SMIM36: variants seen among roughly 807,000 people sequenced by gnomAD.
The protein encoded by SMIM36 is small integral membrane protein 36.
intron 1 of SMIM36, among the ~76,000 whole-genome samples, chr17:55,493,591 C>T (rs979263480): frequency 9.2e-5 from 14 of 152,012 alleles, no homozygotes; most frequent in African/African-American, 3.1e-4. Context: ...AGGAAGATTG[C>T]TTGAGTCCAG....
At chr17:55,471,677 G>A (rs1237222886) in intron 3 of SMIM36, among the ~76,000 whole-genome samples, 4 of 152,024 alleles carry the variant, frequency 2.6e-5, no homozygotes, top group African/African-American at 4.8e-5. Flanking sequence ...TCACTCTTTC[G>A]AAAAGGCCCT....
chr17:55,466,175 G>A (rs905715481), intron 4 of SMIM36, among the ~76,000 whole-genome samples: 1 of 150,764 alleles, frequency 6.6e-6, no homozygotes, highest in African/African-American at 2.5e-5. Context: ...TACTAGGGAG[G>A]CTGAGGTAGG....
At chr17:55,475,841 C>T (rs1264719957) in intron 3 of SMIM36, among the ~76,000 whole-genome samples, 4 of 152,134 alleles carry the variant, frequency 2.6e-5, no homozygotes, top group African/African-American at 7.2e-5. Context: ...CATCACTAAT[C>T]ATTCTATATG....
chr17:55,510,215 TGTATGCATTC>T (rs1910156932), intron 1 of SMIM36, among the ~76,000 whole-genome samples: 2 of 127,616 alleles, frequency 1.6e-5, no homozygotes, highest in South Asian at 5.2e-4. Context: ...TTGTTTTAGT[TGTATGCATTC>T]CTTATTCTGT....
chr17:55,491,109 T>C (rs780236933), intron 1 of SMIM36, among the ~76,000 whole-genome samples: 4 of 151,762 alleles, frequency 2.6e-5, no homozygotes, highest in Admixed American at 6.6e-5. Context: ...TAGCCTGATG[T>C]GGTGGTGCTG....
intron 4 of SMIM36, among the ~76,000 whole-genome samples, chr17:55,463,605 C>T (rs1308136083): frequency 6.6e-6 from 1 of 152,042 alleles, no homozygotes; most frequent in East Asian, 1.9e-4. Flanking sequence ...AATGTGGTCT[C>T]TTATTATACT....
intron 3 of SMIM36, among the ~76,000 whole-genome samples, chr17:55,470,691 C>T (rs1370551848): frequency 1.3e-5 from 2 of 152,104 alleles, no homozygotes; most frequent in Non-Finnish European, 2.9e-5. Context: ...AGTTCAAAGC[C>T]TATTTTGCAT....
intron 1 of SMIM36, among the ~76,000 whole-genome samples, chr17:55,494,872 C>T (rs1909781736): frequency 6.6e-6 from 1 of 152,150 alleles, no homozygotes; most frequent in Non-Finnish European, 1.5e-5. Context: ...CGATAAAAGG[C>T]ATTTGAAAGC....
At chr17:55,472,445 T>G (rs1909356198) in intron 3 of SMIM36, among the ~76,000 whole-genome samples, 2 of 152,248 alleles carry the variant, frequency 1.3e-5, no homozygotes, top group Admixed American at 1.3e-4. Flanking sequence ...AGAGGCTTCC[T>G]TATCACACAA....
chr17:55,450,939 T>A (rs1908902381), intron 4 of SMIM36, among the ~76,000 whole-genome samples: 1 of 152,198 alleles, frequency 6.6e-6, no homozygotes, highest in Admixed American at 6.5e-5. Context: ...GAGGCTGAAG[T>A]GCAGTGGCAC....
intron 4 of SMIM36, among the ~76,000 whole-genome samples, chr17:55,466,697 G>A (rs1909245123): frequency 6.6e-6 from 1 of 152,156 alleles, no homozygotes; most frequent in South Asian, 2.1e-4. Context: ...GTGGGCAGGA[G>A]GAGGAGCTTT....
At chr17:55,455,726 C>A (rs151084420) in intron 4 of SMIM36, among the ~76,000 whole-genome samples, 19 of 152,094 alleles carry the variant, frequency 1.2e-4, no homozygotes, top group Non-Finnish European at 2.5e-4. Flanking sequence ...TCGGGAGGTT[C>A]GGGCTGCAGT....
intron 1 of SMIM36, among the ~76,000 whole-genome samples, chr17:55,510,168 A>G (rs1481629830): frequency 6.6e-6 from 1 of 152,096 alleles, no homozygotes; most frequent in Non-Finnish European, 1.5e-5. Flanking sequence ...GCTAGCAAGT[A>G]GAAGAGGCAG....
intron 1 of SMIM36, among the ~76,000 whole-genome samples, chr17:55,490,349 G>C (rs1348878914): frequency 6.6e-6 from 1 of 152,100 alleles, no homozygotes; most frequent in Non-Finnish European, 1.5e-5. Context: ...TTACATTAGT[G>C]GTTTGGACTG....
At chr17:55,522,274 C>A in the SMIM36 span, among the ~76,000 whole-genome samples, 2 of 152,282 alleles carry the variant, frequency 1.3e-5, no homozygotes, top group Non-Finnish European at 1.5e-5. Context: ...TAGCTGGTTC[C>A]CTGCTTCCTT....
the SMIM36 span, among the ~76,000 whole-genome samples, chr17:55,523,574 G>C: frequency 6.6e-6 from 1 of 151,342 alleles, no homozygotes; most frequent in Non-Finnish European, 1.5e-5. Context: ...CAAGGAAGCA[G>C]CTATAGACAA....
At chr17:55,476,134 A>T (rs1909422207) in intron 3 of SMIM36, among the ~76,000 whole-genome samples, 1 of 152,196 alleles carries the variant, frequency 6.6e-6, no homozygotes. Flanking sequence ...CTGCATGTAT[A>T]CATCCAGATG....
intron 1 of SMIM36, among the ~76,000 whole-genome samples, chr17:55,500,720 T>A (rs1306807860): frequency 1.0e-5 from 1 of 96,816 alleles, no homozygotes; most frequent in East Asian, 2.8e-4. Flanking sequence ...ATTTTCAAAA[T>A]TTTTAAAAGA....
At chr17:55,511,748 TG>T (rs1910185566), upstream of SMIM36, among the ~76,000 whole-genome samples, 1 of 152,260 alleles carries the variant, frequency 6.6e-6, no homozygotes, top group South Asian at 2.1e-4. Flanking sequence ...ACAATTGTGC[TG>T]TCTTTGTATA....
Sources: allele counts gnomAD v4.1 joint callset (sites outside exome capture counted in the v4.1 genomes callset), GRCh38; gene constraint gnomAD v4.1.1; transcripts MANE v1.5; gene names NCBI Gene and HGNC (gene_info 2026-07-23, HGNC 2026-07-21).